MTCL2: variants seen among roughly 807,000 people sequenced by gnomAD.
MTCL2 encodes the protein microtubule cross-linking factor 2.
the MTCL2 span, among the ~76,000 whole-genome samples, chr20:36,790,915 G>A: frequency 2.0e-5 from 3 of 152,044 alleles, no homozygotes; most frequent in Non-Finnish European, 2.9e-5. Context: ...TTAAATGTCA[G>A]CCAGCTGAGT....
At chr20:36,829,023 GCT>G in the MTCL2 span, 5 of 1,516,728 alleles carry the variant, frequency 3.3e-6, no homozygotes, top group South Asian at 5.0e-5. Context: ...CCTGCCCTAG[GCT>G]GGCCCTGCTG....
At chr20:36,815,313 A>C in the MTCL2 span, 1 of 1,613,856 alleles carries the variant, frequency 6.2e-7, no homozygotes, top group Admixed American at 1.7e-5. The surrounding 1 kb of genome is among the most constrained non-coding windows in gnomAD (Gnocchi z 5.3). Flanking sequence ...GATGGCATGG[A>C]TGAGCTTGGT....
the MTCL2 span, among the ~76,000 whole-genome samples, chr20:36,841,155 C>CAAAAAAAAAAAAAAAAAAA: frequency 2.5e-5 from 1 of 40,352 alleles, no homozygotes; most frequent in Non-Finnish European, 3.9e-5. Context: ...ACTAAAAATA[C>CAAAAAAAAAAAAAAAAAAA]AAAAAAAAAA....
At chr20:36,783,939 G>C in the MTCL2 span, 1 of 985,378 alleles carries the variant, frequency 1.0e-6, no homozygotes, top group Non-Finnish European at 1.2e-6. Context: ...TGCAGGAACA[G>C]TGATGAGTGG....
the MTCL2 span, among the ~76,000 whole-genome samples, chr20:36,811,710 T>C: frequency 6.6e-6 from 1 of 152,198 alleles, no homozygotes; most frequent in Non-Finnish European, 1.5e-5. Context: ...TTTTTTCTCT[T>C]TTTGCCATGG....
At chr20:36,822,612 C>T in the MTCL2 span, among the ~76,000 whole-genome samples, 1 of 152,180 alleles carries the variant, frequency 6.6e-6, no homozygotes, top group Non-Finnish European at 1.5e-5. Context: ...CCACTTTGGC[C>T]AAGAAACAAA....
chr20:36,815,369 G>A, the MTCL2 span: 1 of 1,613,690 alleles, frequency 6.2e-7, no homozygotes, highest in South Asian at 1.1e-5. This position sits in a 1 kb window ranked among gnomAD's most constrained non-coding sequence, Gnocchi z 5.3. Flanking sequence ...GCAGCCGGAA[G>A]TCAGCACACT....
the MTCL2 span, chr20:36,802,942 C>T: frequency 6.3e-7 from 1 of 1,577,764 alleles, no homozygotes; most frequent in Non-Finnish European, 8.6e-7. Flanking sequence ...TGCAGCTTTT[C>T]CTGGCTCCAG....
At chr20:36,857,525 G>C in the MTCL2 span, among the ~76,000 whole-genome samples, 1 of 152,142 alleles carries the variant, frequency 6.6e-6, no homozygotes, top group African/African-American at 2.4e-5. Context: ...AACAGTATAT[G>C]TGCATTTGTA....
the MTCL2 span, among the ~76,000 whole-genome samples, chr20:36,819,864 A>G: frequency 1.3e-5 from 2 of 152,206 alleles, no homozygotes; most frequent in African/African-American, 4.8e-5. Context: ...GCCAGGAGCC[A>G]GTATTTGAGA....
chr20:36,815,800 G>C, the MTCL2 span: 2 of 1,592,572 alleles, frequency 1.3e-6, no homozygotes, highest in Middle Eastern at 1.7e-4. This position sits in a 1 kb window ranked among gnomAD's most constrained non-coding sequence, Gnocchi z 5.3. Context: ...TGCTCCGAGC[G>C]GAACTTGGCC....
chr20:36,823,996 C>G, the MTCL2 span, among the ~76,000 whole-genome samples: 2 of 152,140 alleles, frequency 1.3e-5, no homozygotes, highest in African/African-American at 4.8e-5. Context: ...GGGAAGGAAG[C>G]AGTCACAGGA....
At chr20:36,823,535 G>A in the MTCL2 span, among the ~76,000 whole-genome samples, 5 of 152,128 alleles carry the variant, frequency 3.3e-5, no homozygotes, top group East Asian at 3.8e-4. Context: ...GGCTGGGTAC[G>A]ATGGCTCATG....
the MTCL2 span, among the ~76,000 whole-genome samples, chr20:36,837,444 C>G: frequency 6.6e-6 from 1 of 152,034 alleles, no homozygotes; most frequent in Non-Finnish European, 1.5e-5. Flanking sequence ...CGCCCCTTGA[C>G]CTTCGGCAGG....
chr20:36,791,466 C>T, the MTCL2 span, among the ~76,000 whole-genome samples: 1 of 152,136 alleles, frequency 6.6e-6, no homozygotes, highest in South Asian at 2.1e-4. Flanking sequence ...AACTAGAAAC[C>T]ACCTAAACGT....
chr20:36,807,999 C>T, the MTCL2 span, among the ~76,000 whole-genome samples: 1 of 150,176 alleles, frequency 6.7e-6, no homozygotes, highest in African/African-American at 2.4e-5. Context: ...CCTCAGCCTC[C>T]CGAGTAGCTG....
the MTCL2 span, among the ~76,000 whole-genome samples, chr20:36,823,780 C>T: frequency 6.6e-6 from 1 of 152,056 alleles, no homozygotes; most frequent in Non-Finnish European, 1.5e-5. Context: ...TACACTCTAG[C>T]CTGAGTGACA....
the MTCL2 span, chr20:36,805,719 C>A: frequency 1.4e-6 from 1 of 730,998 alleles, no homozygotes; most frequent in African/African-American, 1.8e-5. Context: ...TCTGTTACTG[C>A]CCTGGGATGA....
chr20:36,848,156 A>G, the MTCL2 span, among the ~76,000 whole-genome samples: 1 of 152,276 alleles, frequency 6.6e-6, no homozygotes, highest in South Asian at 2.1e-4. Flanking sequence ...TCTCTAAATA[A>G]AAATGAGAGA....
Sources: allele counts gnomAD v4.1 joint callset (sites outside exome capture counted in the v4.1 genomes callset), GRCh38; gene constraint gnomAD v4.1.1; non-coding constraint Gnocchi (gnomAD v3.1); transcripts MANE v1.5; gene names NCBI Gene and HGNC (gene_info 2026-07-23, HGNC 2026-07-21).